The following MAPK10 variants were observed in gnomAD, a reference collection of about 807,000 sequenced individuals.
The protein encoded by MAPK10 is JNK3 alpha protein kinase.
In MAPK10, 25 loss-of-function variants were observed where a neutral mutation model predicts 59.3. The ratio of observed to expected loss-of-function variants is 0.42; its 90% confidence interval spans 0.31 to 0.59. The LOEUF is 0.59. Among genes scored for constraint, MAPK10 ranks in the 20% least tolerant of loss-of-function variants. The pLI is 0.15. For synonymous variants in MAPK10, 190 were observed against 200.5 expected (o/e 0.95, Z 0.44); for missense variants, 351 against 568.9 (o/e 0.62, Z 3.90).
chr4:86,108,157 T>A (rs2056863550), intron 4 of MAPK10, among the ~76,000 whole-genome samples: 2 of 152,214 alleles, frequency 1.3e-5, no homozygotes, highest in African/African-American at 4.8e-5. Flanking sequence ...AAGACAAAAA[T>A]AAATGCTATT....
At chr4:86,020,499 G>T in intron 13 of MAPK10, 1 of 163,098 alleles carries the variant, frequency 6.1e-6, no homozygotes, top group South Asian at 1.9e-4. Flanking sequence ...AACACTTGAG[G>T]AACTGACAAA....
chr4:86,412,391 T>G (rs1745301515), intron 1 of MAPK10, among the ~76,000 whole-genome samples: 1 of 152,198 alleles, frequency 6.6e-6, no homozygotes, highest in Non-Finnish European at 1.5e-5. Flanking sequence ...GGGTTGCTCT[T>G]CTCAAGGAAC....
intron 13 of MAPK10, chr4:86,026,802 T>C (rs1051382347): frequency 6.6e-6 from 1 of 152,216 alleles, no homozygotes; most frequent in Admixed American, 6.5e-5. Context: ...AACTTTTTTT[T>C]AGAATTGCTT....
chr4:86,404,495 C>T (rs899987762), intron 1 of MAPK10, among the ~76,000 whole-genome samples: 4 of 152,202 alleles, frequency 2.6e-5, no homozygotes, highest in Non-Finnish European at 5.9e-5. Flanking sequence ...CTTCATGCCA[C>T]TTTTAGATCA....
chr4:86,295,524 A>C (rs1000253763), intron 2 of MAPK10, among the ~76,000 whole-genome samples: 1 of 152,074 alleles, frequency 6.6e-6, no homozygotes, highest in African/African-American at 2.4e-5. Flanking sequence ...GTTCACTGCT[A>C]TCTCATCAAT....
intron 1 of MAPK10, among the ~76,000 whole-genome samples, chr4:86,462,234 G>C (rs1203732288): frequency 6.6e-6 from 1 of 152,228 alleles, no homozygotes; most frequent in Non-Finnish European, 1.5e-5. Flanking sequence ...GGAAGGTCTA[G>C]TTTAAATTTA....
chr4:86,448,190 T>G (rs1272628239), intron 1 of MAPK10, among the ~76,000 whole-genome samples: 6 of 152,196 alleles, frequency 3.9e-5, no homozygotes, highest in Admixed American at 3.3e-4. Context: ...TTAGAGTCTA[T>G]TTCACAGCTT....
chr4:86,541,531 G>A (rs1240113747), intron 1 of MAPK10, among the ~76,000 whole-genome samples: 1 of 152,168 alleles, frequency 6.6e-6, no homozygotes, highest in Non-Finnish European at 1.5e-5. Context: ...AGCCCTGAGA[G>A]GGAGGCTGAA....
intron 9 of MAPK10, among the ~76,000 whole-genome samples, chr4:86,092,315 C>G (rs1383266309): frequency 6.6e-6 from 1 of 151,966 alleles, no homozygotes; most frequent in Admixed American, 6.6e-5. Flanking sequence ...ATCTATGCTA[C>G]CAAAATGCTA....
At chr4:86,116,209 A>G (rs1223502602) in intron 4 of MAPK10, among the ~76,000 whole-genome samples, 1 of 152,182 alleles carries the variant, frequency 6.6e-6, no homozygotes, top group African/African-American at 2.4e-5. Context: ...TTGGCCAAAT[A>G]AGAAAGTACC....
rs534936125 is a variant in MAPK10 at position 86,135,091 on chromosome 4, C to T, written c.236+24207G>A. On this transcript the variant is annotated intron_variant, in intron 4 of 13. Coordinates refer to ENST00000641462, the MANE Select transcript of MAPK10 (RefSeq NM_138982.4). ...AGCAGTCTGAGATCAAACTGCAAGGCAGCAGCGAGGCTGGGGGAGGGGCGC... is the reference window on the plus strand; with the variant it reads ...AGCAGTCTGAGATCAAACTGCAAGGTAGCAGCGAGGCTGGGGGAGGGGCGC... Among the ~76,000 whole-genome samples the T allele has an allele frequency of 3.9e-5, 6 of 152,302 alleles. No individual in the cohort carries two copies. In the East Asian group the frequency reaches 1.2e-3, roughly 29 times the overall value.
intron 1 of MAPK10, among the ~76,000 whole-genome samples, chr4:86,405,797 T>C (rs1407046030): frequency 6.6e-6 from 1 of 152,190 alleles, no homozygotes; most frequent in Non-Finnish European, 1.5e-5. Flanking sequence ...AGAATCTCTG[T>C]TTATAGCTGT....
At chr4:86,178,961 G>C (rs1406257774) in intron 3 of MAPK10, among the ~76,000 whole-genome samples, 1 of 152,096 alleles carries the variant, frequency 6.6e-6, no homozygotes, top group Non-Finnish European at 1.5e-5. Flanking sequence ...CCAGCACTTT[G>C]GGAGGCCAAG....
At chr4:86,389,379 A>G (rs1234040140) in intron 1 of MAPK10, among the ~76,000 whole-genome samples, 2 of 152,218 alleles carry the variant, frequency 1.3e-5, no homozygotes, top group Admixed American at 1.3e-4. Context: ...AAATGGATTA[A>G]TACAATATGA....
At chr4:86,525,944 A>C (rs77173954) in intron 1 of MAPK10, among the ~76,000 whole-genome samples, 7,126 of 152,264 alleles carry the variant, frequency 0.047, 222 homozygotes, top group African/African-American at 0.059. Context: ...TGTCTACTGT[A>C]TGGCAATAGC....
At chr4:86,042,865 T>C (rs1286616839) in intron 11 of MAPK10, among the ~76,000 whole-genome samples, 1 of 152,132 alleles carries the variant, frequency 6.6e-6, no homozygotes, top group Non-Finnish European at 1.5e-5. Flanking sequence ...AATAATTACC[T>C]TGAATGCAAA....
intron 2 of MAPK10, among the ~76,000 whole-genome samples, chr4:86,320,307 T>C (rs985188281): frequency 6.6e-6 from 1 of 152,218 alleles, no homozygotes; most frequent in African/African-American, 2.4e-5. Flanking sequence ...TGCACCTAGA[T>C]TGTTGGGATG....
intron 3 of MAPK10, among the ~76,000 whole-genome samples, chr4:86,188,034 A>T (rs2078708967): frequency 6.6e-6 from 1 of 152,300 alleles, no homozygotes; most frequent in Non-Finnish European, 1.5e-5. Flanking sequence ...TTTGCTAAGA[A>T]TGATGGTTTC....
At chr4:86,213,019 T>C (rs768892756) in intron 2 of MAPK10, among the ~76,000 whole-genome samples, 15 of 152,144 alleles carry the variant, frequency 9.9e-5, no homozygotes, top group Non-Finnish European at 2.2e-4. Context: ...CACAACAGTA[T>C]GAAGTTAGAA....
Sources: gnomAD v4.1 joint callset for allele counts (sites outside exome capture counted in the v4.1 genomes callset) on GRCh38, gnomAD v4.1.1 for gene constraint, MANE v1.5 for transcripts, NCBI Gene and HGNC (gene_info 2026-07-23, HGNC 2026-07-21) for gene names.